CPNE4: variants seen among roughly 807,000 people sequenced by gnomAD.
CPNE4 encodes copine 4.
A neutral mutation model predicts 67.9 loss-of-function variants in CPNE4; 25 were observed. The observed-to-expected ratio is 0.37, with a 90% CI of 0.27 to 0.51. The LOEUF (loss-of-function observed/expected upper bound fraction) is 0.51. Ranked by LOEUF, CPNE4 falls within the 20% of genes least tolerant of loss-of-function variation. The pLI, the probability that CPNE4 is intolerant of heterozygous loss-of-function variation, is 0.93. For synonymous variants in CPNE4, 242 were observed against 244.9 expected (o/e 0.99, Z 0.11); for missense variants, 464 against 690.8 (o/e 0.67, Z 3.68).
At chr3:131,647,042 A>G (rs1000330029) in intron 7 of CPNE4, among the ~76,000 whole-genome samples, 6 of 152,198 alleles carry the variant, frequency 3.9e-5, no homozygotes, top group Non-Finnish European at 8.8e-5. Flanking sequence ...CAGCTGTCTT[A>G]TAGTTACTGT....
chr3:131,817,076 G>A (rs1358221672), intron 2 of CPNE4, among the ~76,000 whole-genome samples: 2 of 152,176 alleles, frequency 1.3e-5, no homozygotes, highest in African/African-American at 2.4e-5. Context: ...TGGGCGTAAA[G>A]GGCATTTTCA....
chr3:131,889,924 C>T (rs978938717), intron 2 of CPNE4, among the ~76,000 whole-genome samples: 1 of 151,980 alleles, frequency 6.6e-6, no homozygotes, highest in Non-Finnish European at 1.5e-5. Flanking sequence ...TATCTCACAC[C>T]ATAACAAAAT....
intron 1 of CPNE4, among the ~76,000 whole-genome samples, chr3:131,906,260 ATTAT>A (rs951004453): frequency 3.4e-5 from 5 of 145,934 alleles, no homozygotes; most frequent in African/African-American, 1.3e-4. Context: ...TTTTTGTTTT[ATTAT>A]TATTATACTT....
chr3:131,794,218 A>G (rs149369839), intron 2 of CPNE4, among the ~76,000 whole-genome samples: 10 of 151,374 alleles, frequency 6.6e-5, no homozygotes, highest in African/African-American at 2.2e-4. Flanking sequence ...CTCATTGAAA[A>G]TCCAGTTCAA....
intron 2 of CPNE4, among the ~76,000 whole-genome samples, chr3:131,779,009 T>C (rs1157042098): frequency 6.6e-6 from 1 of 152,062 alleles, no homozygotes; most frequent in African/African-American, 2.4e-5. Flanking sequence ...AGAATCAATG[T>C]AAACAAATCA....
At chr3:131,680,496 T>C (rs546020939) in intron 6 of CPNE4, among the ~76,000 whole-genome samples, 2 of 152,172 alleles carry the variant, frequency 1.3e-5, no homozygotes, top group South Asian at 4.2e-4. Context: ...TTTTAACTTT[T>C]TGTTTCTGTT....
At chr3:131,939,544 G>T (rs2071328759) in intron 1 of CPNE4, among the ~76,000 whole-genome samples, 1 of 150,236 alleles carries the variant, frequency 6.7e-6, no homozygotes, top group African/African-American at 2.5e-5. Flanking sequence ...CTGTCTGTTT[G>T]CCTAAGATTA....
At chr3:131,611,159 T>A (rs976024310) in intron 7 of CPNE4, among the ~76,000 whole-genome samples, 7 of 152,210 alleles carry the variant, frequency 4.6e-5, no homozygotes, top group Admixed American at 4.6e-4. Context: ...ACAGTGTGAA[T>A]AATGTGTTGG....
At chr3:131,581,988 A>C (rs1420111693) in intron 8 of CPNE4, among the ~76,000 whole-genome samples, 2 of 152,190 alleles carry the variant, frequency 1.3e-5, no homozygotes, top group Non-Finnish European at 2.9e-5. Context: ...ATTATTGTGA[A>C]GACTGATTAA....
rs147593868 is a variant in CPNE4 at position 131,656,818 on chromosome 3, G to A, written c.681+12857C>T. 5.5e-3 allele frequency among the ~76,000 whole-genome samples: 838 copies of A among 152,308 alleles called. 7 individuals are homozygous for A. Among genetic ancestry groups the A allele is most frequent in the Non-Finnish European group, 6.4e-3 (436 of 68,024 alleles). On this transcript the variant is annotated intron_variant, in intron 7 of 15. Coordinates refer to ENST00000429747, the MANE Select transcript of CPNE4 (RefSeq NM_130808.3). ...CTGGAGGAATGTATGTATGAACAAC[G>A]AAGTCTGAGTGCTTCAGTTTTGAGT...
intron 14 of CPNE4, among the ~76,000 whole-genome samples, chr3:131,547,455 CAAA>C (rs56412825): frequency 5.5e-5 from 2 of 36,524 alleles, no homozygotes; most frequent in Admixed American, 3.9e-4. Flanking sequence ...GACCCTGTCG[CAAA>C]AAAAAAAAAA....
At chr3:132,033,131 A>G (rs1009682897) in intron 1 of CPNE4, among the ~76,000 whole-genome samples, 6 of 152,276 alleles carry the variant, frequency 3.9e-5, no homozygotes, top group Non-Finnish European at 1.5e-5. Flanking sequence ...ACGCCTGTGT[A>G]TGTGTGCGCG....
In CPNE4 at chr3:131,978,228, C is replaced by T. The variant is rs183590243; in HGVS notation, c.-2+56339G>A. Among the ~76,000 whole-genome samples the T allele has an allele frequency of 5.5e-3, 55 of 9,998 alleles. 2 individuals carry two copies. Among genetic ancestry groups the T allele is most frequent in the African/African-American group, 0.012 (14 of 1,216 alleles). The allele number at this position is 9,998 out of a possible 152,430, so 6.6% of individuals were successfully genotyped here. ...ATATATAATATATATAATAAATTTA[C>T]ATATTTATATATATTTATATAAATA... On this transcript the variant is annotated intron_variant, in intron 1 of 15. Coordinates refer to ENST00000429747, the MANE Select transcript of CPNE4 (RefSeq NM_130808.3).
intron 7 of CPNE4, among the ~76,000 whole-genome samples, chr3:131,607,028 C>T: frequency 6.6e-6 from 1 of 151,246 alleles, no homozygotes; most frequent in East Asian, 1.9e-4. Flanking sequence ...AACAAGAAAA[C>T]CAAAAATTTG....
intron 9 of CPNE4, among the ~76,000 whole-genome samples, chr3:131,580,238 C>T (rs1318769151): frequency 2.0e-5 from 3 of 151,998 alleles, no homozygotes; most frequent in Admixed American, 6.6e-5. Flanking sequence ...AAAGTACGTA[C>T]ATTTTTAGAC....
At chr3:131,609,941 C>G (rs532737031) in intron 7 of CPNE4, among the ~76,000 whole-genome samples, 1 of 152,052 alleles carries the variant, frequency 6.6e-6, no homozygotes, top group Non-Finnish European at 1.5e-5. Flanking sequence ...GCTGCATGGA[C>G]GATATCCAAC....
At position 131,643,841 on chromosome 3, in the gene CPNE4, T is replaced by A. The variant is rs537916692; in HGVS notation, c.681+25834A>T. Among the ~76,000 whole-genome samples the A allele has an allele frequency of 2.0e-5, 3 of 152,300 alleles. No homozygotes were observed. In the South Asian group the frequency reaches 6.2e-4, roughly 32 times the overall value. On this transcript the variant is annotated intron_variant, in intron 7 of 15. Coordinates refer to ENST00000429747, the MANE Select transcript of CPNE4 (RefSeq NM_130808.3). ...CCCTTTGCTTGGCACTTCTCCTTGCTGCCGCCATGTGAAGAAGGACTTATT... is the reference window on the plus strand; with the variant it reads ...CCCTTTGCTTGGCACTTCTCCTTGCAGCCGCCATGTGAAGAAGGACTTATT...
At chr3:131,574,804 T>C (rs553284441) in intron 10 of CPNE4, among the ~76,000 whole-genome samples, 1 of 152,188 alleles carries the variant, frequency 6.6e-6, no homozygotes, top group African/African-American at 2.4e-5. Context: ...ACTGAAGAAA[T>C]GGGAAGCGTT....
intron 7 of CPNE4, among the ~76,000 whole-genome samples, chr3:131,647,721 T>A (rs952849777): frequency 1.3e-5 from 2 of 152,182 alleles, no homozygotes; most frequent in African/African-American, 4.8e-5. Context: ...CTACCCTGCA[T>A]GGCTGATGGG....
Sources: gnomAD v4.1 joint callset for allele counts (sites outside exome capture counted in the v4.1 genomes callset) on GRCh38, gnomAD v4.1.1 for gene constraint, MANE v1.5 for transcripts, NCBI Gene and HGNC (gene_info 2026-07-23, HGNC 2026-07-21) for gene names.